The following OTUD4 variants were observed in gnomAD, a reference collection of about 807,000 sequenced individuals.
OTUD4 encodes OTU deubiquitinase 4.
In OTUD4, 24 loss-of-function variants were observed where a neutral mutation model predicts 130.4. The observed-to-expected ratio is 0.18, with a 90% CI of 0.13 to 0.26. The LOEUF is 0.26. Among genes scored for constraint, OTUD4 ranks in the 10% least tolerant of loss-of-function variants. The pLI is 1.00. For missense variants in OTUD4, 1,031 were observed against 1,329.4 expected, an observed-to-expected ratio of 0.78 and a Z score of 3.49; for synonymous variants, 420 against 472.5, an observed-to-expected ratio of 0.89 and a Z score of 1.44.
At position 145,135,594 on chromosome 4, in the gene OTUD4, G is replaced by GT. The variant is rs1341065179; in HGVS notation, c.*1835dup. ...TGTTAAGAAAAAAATGGCTTAAGCG[G>GT]TACCTTCAACAACTATTCTAGTTAA... On this transcript the variant is annotated 3_prime_UTR_variant, in exon 21 of 21. Coordinates refer to ENST00000447906, the MANE Select transcript of OTUD4 (RefSeq NM_001366057.1). The GT allele has an allele frequency of 6.6e-6, 1 of 152,518 alleles. No individual in the cohort carries two copies. The highest frequency in any genetic ancestry group is 2.4e-5 in the African/African-American group (1 of 41,424). 9.4% of individuals were successfully genotyped at this position (152,518 alleles called of 1,614,324 possible). A position where few individuals can be genotyped will look rare whatever the true frequency, so the allele number is the denominator to read the frequency against.
At chr4:145,166,568 G>A (rs1440868587) in intron 3 of OTUD4, among the ~76,000 whole-genome samples, 1 of 151,856 alleles carries the variant, frequency 6.6e-6, no homozygotes, top group African/African-American at 2.4e-5. Flanking sequence ...CAGGCAGGAT[G>A]TGGTGGCTCA....
intron 13 of OTUD4, among the ~76,000 whole-genome samples, chr4:145,148,942 G>A (rs561628721): frequency 6.6e-6 from 1 of 152,258 alleles, no homozygotes; most frequent in South Asian, 2.1e-4. Flanking sequence ...GTTGATTAGT[G>A]GCATAAATTC....
In OTUD4 at chr4:145,136,318, T is replaced by G. The variant is rs1750248033; in HGVS notation, c.*1112A>C. 1 of 152,334 alleles carries G rather than the reference T, an allele frequency of 6.6e-6. No individual in the cohort carries two copies. The highest frequency in any genetic ancestry group is 2.1e-4 in the South Asian group (1 of 4,822). 9.4% of individuals were successfully genotyped at this position (152,334 alleles called of 1,614,324 possible). On this transcript the variant is annotated 3_prime_UTR_variant, in exon 21 of 21. Coordinates refer to ENST00000447906, the MANE Select transcript of OTUD4 (RefSeq NM_001366057.1). Reference sequence around the variant, plus strand: ...TTACCTACCTAAGGGTAACAAGCTATAAAATACAAAGCAAAACCATTTTCT... The same window carrying G: ...TTACCTACCTAAGGGTAACAAGCTAGAAAATACAAAGCAAAACCATTTTCT...
At chr4:145,153,015 G>A (rs1277532873) in intron 10 of OTUD4, among the ~76,000 whole-genome samples, 4 of 151,988 alleles carry the variant, frequency 2.6e-5, no homozygotes, top group Non-Finnish European at 4.4e-5. Flanking sequence ...GATTACAGGC[G>A]TGAGCCACCA....
At chr4:145,158,515 A>T (rs1448518466) in intron 7 of OTUD4, among the ~76,000 whole-genome samples, 2 of 151,866 alleles carry the variant, frequency 1.3e-5, no homozygotes, top group African/African-American at 4.8e-5. Context: ...AAAAAAACAA[A>T]AAAAAAACAA....
intron 16 of OTUD4, 125 bp downstream of exon 16, chr4:145,143,821 T>C (rs981279243): frequency 2.9e-6 from 2 of 690,664 alleles, no homozygotes; most frequent in Non-Finnish European, 5.0e-6. Flanking sequence ...TTTCCCTGCT[T>C]TTCTACTTTC....
At chr4:145,165,791 T>C (rs373361093) in intron 3 of OTUD4, among the ~76,000 whole-genome samples, 4 of 152,202 alleles carry the variant, frequency 2.6e-5, no homozygotes, top group South Asian at 4.1e-4. Context: ...TGAGAACGTA[T>C]TGAAGGCAAG....
rs953825308 is a variant in OTUD4, at chr4:145,150,956, G to A, written c.969-51C>T. On this transcript the variant is annotated intron_variant, in intron 11 of 20. Transcript: ENST00000447906. ...AGCTTAAAATACCCTAGTAAGAATAGTTAAATATTCTGCATATTTATTTTC... is the reference window on the plus strand; with the variant it reads ...AGCTTAAAATACCCTAGTAAGAATAATTAAATATTCTGCATATTTATTTTC... 1.0e-5 allele frequency: 11 copies of A among 1,073,166 alleles called. No homozygotes were observed. The African/African-American group carries it at 1.6e-4, about 15-fold the overall frequency. 66.5% of individuals were successfully genotyped at this position (1,073,166 alleles called of 1,614,324 possible).
rs180904303 is a variant in OTUD4, at chr4:145,159,310, A to G, written c.629+193T>C. The G allele has an allele frequency of 2.9e-6, 4 of 1,393,172 alleles. No homozygotes were observed. The African/African-American group carries it at 5.8e-5, about 20-fold the overall frequency. 86.3% of individuals were successfully genotyped at this position (1,393,172 alleles called of 1,614,324 possible). A position where few individuals can be genotyped will look rare whatever the true frequency, so the allele number is the denominator to read the frequency against. ...TCAACCAAAAACACCAACTTTCAAA[A>G]CAAACAGTCCCATAATAGAAATTAG... On this transcript the variant is annotated intron_variant, in intron 7 of 20. Transcript: ENST00000447906.
rs952307829 is a variant in OTUD4, at chr4:145,168,341, C to T, written c.295-3144G>A. Among the ~76,000 whole-genome samples the T allele has an allele frequency of 9.5e-5, 14 of 148,044 alleles. 1 individual carries two copies. In the East Asian group the frequency reaches 2.8e-3, roughly 29 times the overall value. The stretch of plus-strand genomic sequence containing the variant: ...GTTTCAGTGAGCTGAGATCATGCCA[C>T]TGCACTCCAGCCTGGGCAACAGAGC... On this transcript the variant is annotated intron_variant, in intron 3 of 20. Coordinates refer to ENST00000447906, the MANE Select transcript of OTUD4 (RefSeq NM_001366057.1).
Position 145,178,872 on chromosome 4 carries a change from G to T in OTUD4, c.159+943C>A, listed in dbSNP as rs1195339131. Reference sequence around the variant, plus strand: ...AAACATCATAAAAACCCCACAGGCGGGTAGGGAGGGGTGTGCAATGGGGTG... The same window carrying T: ...AAACATCATAAAAACCCCACAGGCGTGTAGGGAGGGGTGTGCAATGGGGTG... On this transcript the variant is annotated intron_variant, in intron 1 of 20. Coordinates refer to ENST00000447906, the MANE Select transcript of OTUD4 (RefSeq NM_001366057.1). 1.3e-5 allele frequency among the ~76,000 whole-genome samples: 2 copies of T among 152,102 alleles called. 1 individual carries two copies. The highest frequency in any genetic ancestry group is 4.8e-5 in the African/African-American group (2 of 41,378).
At position 145,138,656 on chromosome 4, in the gene OTUD4, G is replaced by A. The variant is rs780071901; in HGVS notation, c.2125-6C>T. On this transcript the variant is annotated splice_polypyrimidine_tract_variant and splice_region_variant and intron_variant, in intron 20 of 20. Transcript: ENST00000447906. ...CACATAGGACAACTGTATGCCTGAA[G>A]AGACAAAAAACAGTTAAATAAACAA... The A allele has an allele frequency of 1.1e-5, 18 of 1,583,752 alleles. No individual in the cohort carries two copies. The highest frequency in any genetic ancestry group is 1.9e-5 in the Admixed American group (1 of 51,974).
At chr4:145,144,560 A>T (rs1266150394) in intron 14 of OTUD4, 126 bp from the exon 15 acceptor site, 4 of 846,094 alleles carry the variant, frequency 4.7e-6, no homozygotes, top group Non-Finnish European at 7.4e-6. Context: ...TGTATTTTTA[A>T]CTGAAACTAA....
intron 7 of OTUD4, among the ~76,000 whole-genome samples, chr4:145,158,502 CAAAAAAAAACA>C (rs1030774061): frequency 4.4e-5 from 6 of 135,810 alleles, no homozygotes; most frequent in Non-Finnish European, 6.5e-5. Flanking sequence ...CAAAACAAAA[CAAAAAAAAACA>C]AAAAAAAAAC....
chr4:145,162,330 G>A (rs1345909828), intron 6 of OTUD4, among the ~76,000 whole-genome samples: 1 of 152,064 alleles, frequency 6.6e-6, no homozygotes, highest in Non-Finnish European at 1.5e-5. Flanking sequence ...GAGGCGGGCG[G>A]ATCACGAGGT....
intron 6 of OTUD4, 43 bp downstream of exon 6, chr4:145,162,597 T>C (rs1386863789): frequency 3.0e-6 from 3 of 991,742 alleles, no homozygotes; most frequent in Non-Finnish European, 3.0e-6. Context: ...ACTGTATAAG[T>C]TTAGGAATAT....
At chr4:145,158,860 A>G (rs879523744) in intron 7 of OTUD4, among the ~76,000 whole-genome samples, 8 of 152,216 alleles carry the variant, frequency 5.3e-5, no homozygotes, top group Non-Finnish European at 8.8e-5. Flanking sequence ...CTAATTTTAG[A>G]GTATTGGAAT....
At chr4:145,150,391 T>TACTA in intron 13 of OTUD4, 122 bp downstream of exon 13, 1 of 604,742 alleles carries the variant, frequency 1.7e-6, no homozygotes. Flanking sequence ...ATGCTCTTAA[T>TACTA]ACTAATATAG....
chr4:145,137,326 G>C lies in OTUD4; in HGVS notation c.*104C>G, dbSNP rs1750324785. 1.1e-6 allele frequency: 1 copy of C among 945,022 alleles called. No individual in the cohort carries two copies. Among genetic ancestry groups the C allele is most frequent in the Non-Finnish European group, 1.6e-6 (1 of 620,064 alleles). 58.5% of individuals were successfully genotyped at this position (945,022 alleles called of 1,614,324 possible). On this transcript the variant is annotated 3_prime_UTR_variant, in exon 21 of 21. Transcript: ENST00000447906. ...GTGAAGGTAAGGGGGGCTGGGGAGA[G>C]GAAAGAGTTCCAACTGCGGTTTTTA...
Sources: allele counts gnomAD v4.1 joint callset (sites outside exome capture counted in the v4.1 genomes callset), GRCh38; gene constraint gnomAD v4.1.1; transcripts MANE v1.5; gene names NCBI Gene and HGNC (gene_info 2026-07-23, HGNC 2026-07-21).